Variants in CYTH3 observed in about 807,000 individuals in gnomAD.
The protein encoded by CYTH3 is cytohesin-3.
Under a neutral mutation model 55.1 loss-of-function variants are expected in CYTH3, and 23 were observed. The ratio of observed to expected loss-of-function variants is 0.42; its 90% CI spans 0.30 to 0.59. The LOEUF (loss-of-function observed/expected upper bound fraction) is 0.59, where lower values mean the gene tolerates loss of function less well. Among genes scored for constraint, CYTH3 ranks in the 20% least tolerant of loss-of-function variants. The probability of loss-of-function intolerance (pLI) is 0.20; values close to 1 mark genes in which losing one functional copy is unlikely to be tolerated. For synonymous variants in CYTH3, 249 were observed against 194.9 expected (o/e 1.28, Z -2.31); for missense variants, 413 against 524.8 (o/e 0.79, Z 2.08).
chr7:6,168,947 G>A (rs999027333), intron 9 of CYTH3, among the ~76,000 whole-genome samples: 2 of 152,168 alleles, frequency 1.3e-5, no homozygotes, highest in Non-Finnish European at 2.9e-5. Flanking sequence ...GTGCCTGCCG[G>A]CATTTCCGGT....
intron 1 of CYTH3, among the ~76,000 whole-genome samples, chr7:6,228,232 CAT>C (rs111918097): frequency 0.028 from 4,293 of 152,322 alleles, 92 homozygotes; most frequent in Middle Eastern, 0.065. Flanking sequence ...AGAGAATGAT[CAT>C]ATAAGTACAG....
chr7:6,238,374 G>C (rs886904163), intron 1 of CYTH3, among the ~76,000 whole-genome samples: 4 of 152,042 alleles, frequency 2.6e-5, no homozygotes, highest in African/African-American at 9.7e-5. Context: ...AGAACAAAAG[G>C]ACAGAGAAAT....
chr7:6,171,118 G>A lies in CYTH3; in HGVS notation c.562+84C>T, dbSNP rs1403352866. On this transcript the variant is annotated intron_variant, in intron 7 of 12. Coordinates refer to ENST00000350796, the MANE Select transcript of CYTH3 (RefSeq NM_004227.4). The surrounding 1 kb of genome is among the most constrained non-coding windows in gnomAD (Gnocchi z 6.7). ...GGAAGGCAGGTCCCCAGGAACACAC[G>A]CTGGGCTGTGCCCACAGGGGCCGCC... 5 of 1,580,556 alleles carry A rather than the reference G, an allele frequency of 3.2e-6. No individual in the cohort carries two copies. Among genetic ancestry groups the A allele is most frequent in the South Asian group, 1.1e-5 (1 of 89,846 alleles).
rs73675888 is a variant in CYTH3, at chr7:6,183,825, G to A, written c.249+3225C>T. 5.8e-3 allele frequency among the ~76,000 whole-genome samples: 886 copies of A among 152,084 alleles called. 8 individuals carry two copies. The highest frequency in any genetic ancestry group is 0.021 in the African/African-American group (856 of 41,442). On this transcript the variant is annotated intron_variant, in intron 4 of 12. Transcript: ENST00000350796. ...TTTGGAGGTAATCAGTGTTACATGA[G>A]GTCCTGGCCTCATGGGATTTGTGCC...
At chr7:6,165,136 G>C in intron 12 of CYTH3, 120 bp from the exon 13 acceptor site, 1 of 1,558,952 alleles carries the variant, frequency 6.4e-7, no homozygotes, top group Admixed American at 1.8e-5. Flanking sequence ...CGTCGGCTTT[G>C]GCAGCCCGGC....
chr7:6,251,602 T>C (rs1779974261), intron 1 of CYTH3, among the ~76,000 whole-genome samples: 1 of 152,166 alleles, frequency 6.6e-6, no homozygotes, highest in Admixed American at 6.5e-5. Flanking sequence ...ATATATTACA[T>C]CCACTGAAGT....
chr7:6,259,663 A>G (rs946063714), intron 1 of CYTH3, among the ~76,000 whole-genome samples: 1 of 139,300 alleles, frequency 7.2e-6, no homozygotes, highest in African/African-American at 2.8e-5. Flanking sequence ...AACAGGATGG[A>G]GAGTCATGTA....
At chr7:6,245,108 C>T (rs995437754) in intron 1 of CYTH3, among the ~76,000 whole-genome samples, 3 of 151,170 alleles carry the variant, frequency 2.0e-5, no homozygotes, top group African/African-American at 7.3e-5. Context: ...CATGAGCCAC[C>T]GCGCCCGGCC....
chr7:6,209,554 T>C (rs1323224265), intron 1 of CYTH3, among the ~76,000 whole-genome samples: 1 of 152,236 alleles, frequency 6.6e-6, no homozygotes, highest in African/African-American at 2.4e-5. Context: ...GAAGACAGTT[T>C]GGCAGTTTCT....
In CYTH3 at chr7:6,169,112, G is replaced by A. The variant is rs886551904; in HGVS notation, c.823+1423C>T. Among the ~76,000 whole-genome samples, 2 of 152,202 alleles carry A rather than the reference G, an allele frequency of 1.3e-5. No homozygotes were observed. The highest frequency in any genetic ancestry group is 2.9e-5 in the Non-Finnish European group (2 of 68,038). ...TCGGTACAGCCAGAAAAAAGTCAAA[G>A]AGCAATGGCCAAGGTCAAAGACCCT... On this transcript the variant is annotated intron_variant, in intron 9 of 12. Coordinates refer to ENST00000350796, the MANE Select transcript of CYTH3 (RefSeq NM_004227.4). This position sits in a 1 kb window ranked among gnomAD's most constrained non-coding sequence, Gnocchi z 4.1.
At chr7:6,184,749 T>G (rs1258871224) in intron 4 of CYTH3, among the ~76,000 whole-genome samples, 2 of 152,140 alleles carry the variant, frequency 1.3e-5, no homozygotes, top group African/African-American at 2.4e-5. Context: ...CAGCTAATTT[T>G]GTATTTTTAG....
chr7:6,259,423 G>C (rs925039158), intron 1 of CYTH3, among the ~76,000 whole-genome samples: 3 of 152,054 alleles, frequency 2.0e-5, no homozygotes, highest in African/African-American at 4.8e-5. Flanking sequence ...AGCTCAAAGA[G>C]TAAATTTACT....
intron 1 of CYTH3, among the ~76,000 whole-genome samples, chr7:6,239,169 G>A (rs1003767898): frequency 6.6e-6 from 1 of 152,072 alleles, no homozygotes; most frequent in Non-Finnish European, 1.5e-5. Context: ...GGCTATGATC[G>A]CACCACTTTA....
intron 1 of CYTH3, among the ~76,000 whole-genome samples, chr7:6,252,537 A>C (rs1264439016): frequency 1.3e-5 from 2 of 151,974 alleles, no homozygotes; most frequent in Non-Finnish European, 2.9e-5. Flanking sequence ...GAGGAGTGTC[A>C]TTTTTTTTCC....
chr7:6,169,277 G>A lies in CYTH3; in HGVS notation c.823+1258C>T, dbSNP rs1324683526. On this transcript the variant is annotated intron_variant, in intron 9 of 12. Transcript: ENST00000350796. The surrounding 1 kb of genome is among the most constrained non-coding windows in gnomAD (Gnocchi z 4.1). ...ACTCTGTCGCCGAGGTGGGAGAGCA[G>A]TGGCACAGTCATGGTTCATTGGAGC... is the stretch of plus-strand genomic sequence containing the variant. Among the ~76,000 whole-genome samples the A allele has an allele frequency of 6.6e-5, 10 of 152,174 alleles. 1 individual carries two copies. Among genetic ancestry groups the A allele is most frequent in the Non-Finnish European group, 1.5e-5 (1 of 68,030 alleles).
At chr7:6,185,971 A>G (rs74891552) in intron 4 of CYTH3, among the ~76,000 whole-genome samples, 10,286 of 151,940 alleles carry the variant, frequency 0.068, 857 homozygotes, top group African/African-American at 0.19. Context: ...TGGGCCAGGC[A>G]CGGTGGCTCA....
intron 1 of CYTH3, among the ~76,000 whole-genome samples, chr7:6,216,139 A>G (rs1028039725): frequency 1.3e-5 from 2 of 152,242 alleles, no homozygotes; most frequent in Non-Finnish European, 2.9e-5. Context: ...ATGTGTAAGT[A>G]TAAAAAACTT....
intron 1 of CYTH3, among the ~76,000 whole-genome samples, chr7:6,254,092 G>T (rs1431149283): frequency 6.6e-6 from 1 of 152,144 alleles, no homozygotes; most frequent in Non-Finnish European, 1.5e-5. Context: ...TGAGGCAGGA[G>T]AATCACGTGA....
chr7:6,204,102 TAAAG>T (rs1784128399), intron 1 of CYTH3, among the ~76,000 whole-genome samples: 1 of 150,956 alleles, frequency 6.6e-6, no homozygotes, highest in Non-Finnish European at 1.5e-5. Context: ...ACAGTATAAA[TAAAG>T]ATTCTAAGTG....
Sources: allele counts gnomAD v4.1 joint callset (sites outside exome capture counted in the v4.1 genomes callset), GRCh38; gene constraint gnomAD v4.1.1; non-coding constraint Gnocchi (gnomAD v3.1); transcripts MANE v1.5; gene names NCBI Gene and HGNC (gene_info 2026-07-23, HGNC 2026-07-21).